OS9: variants seen among roughly 807,000 people sequenced by gnomAD.
The protein encoded by OS9 is OS9 endoplasmic reticulum lectin.
OS9 carries 58 observed loss-of-function variants against 84.7 expected under a neutral mutation model. The observed-to-expected ratio is 0.68, with a 90% confidence interval of 0.55 to 0.85. The LOEUF (loss-of-function observed/expected upper bound fraction) is 0.85. OS9 is among the 40% of genes least tolerant of loss of function. OS9 has a pLI of 0.00. For synonymous variants in OS9, 278 were observed against 320.8 expected (o/e 0.87, Z 1.43); for missense variants, 760 against 850.9 (o/e 0.89, Z 1.33).
At chr12:57,707,474 G>T (rs368672076) in intron 5 of OS9, among the ~76,000 whole-genome samples, 5 of 152,256 alleles carry the variant, frequency 3.3e-5, no homozygotes, top group Admixed American at 3.3e-4. Flanking sequence ...AGAGAGGGGG[G>T]ACATGCCACA....
chr12:57,706,805 C>T (rs573562114), intron 5 of OS9, among the ~76,000 whole-genome samples: 44 of 145,708 alleles, frequency 3.0e-4, no homozygotes, highest in African/African-American at 1.0e-3. Context: ...GCTGTTATCA[C>T]GCCACTGGAC....
intron 5 of OS9, among the ~76,000 whole-genome samples, chr12:57,697,661 G>C (rs1370262050): frequency 6.6e-6 from 1 of 152,160 alleles, no homozygotes; most frequent in African/African-American, 2.4e-5. Flanking sequence ...TGTGGTTCTG[G>C]AATTCAGGGA....
chr12:57,694,909 G>T lies in OS9; in HGVS notation c.322G>T (p.Ala108Ser). ...TGAGTTGTTGAGCCCAATGAGAGAT[G>T]CTCCCTGCTTGCTGAAGGTGAAAGG... ...IPELLSPMRD[A>S]PCLLKTKDWW... is the part of the protein sequence containing the mutation. Residue 108 changes from alanine to serine, a missense_variant, in exon 2 of 15, where the codon GCT (alanine) becomes TCT (serine). Ala to Ser is a moderately conservative substitution (Grantham distance 99). Transcript: ENST00000315970. The T allele has an allele frequency of 6.2e-7, 1 of 1,614,108 alleles. No individual in the cohort carries two copies. The highest frequency in any genetic ancestry group is 8.5e-7 in the Non-Finnish European group (1 of 1,179,990).
intron 3 of OS9, 48 bp from the exon 4 acceptor site, chr12:57,695,914 C>T (rs1363998107): frequency 4.5e-6 from 7 of 1,572,026 alleles, no homozygotes; most frequent in Non-Finnish European, 6.1e-6. Context: ...CCCTCCTCCT[C>T]CTCCTCCTCT....
intron 5 of OS9, among the ~76,000 whole-genome samples, chr12:57,699,797 G>T (rs951538006): frequency 6.6e-6 from 1 of 152,116 alleles, no homozygotes; most frequent in Admixed American, 6.5e-5. Context: ...GAGAAAAGTG[G>T]TGAAAAAGTG....
At chr12:57,718,077 T>A in intron 10 of OS9, 69 bp from the exon 11 acceptor site, 1 of 1,560,834 alleles carries the variant, frequency 6.4e-7, no homozygotes, top group Non-Finnish European at 8.7e-7. Context: ...TGCTACTGTT[T>A]GTCTGCCCCC....
At chr12:57,708,386 C>T (rs1389708505) in intron 5 of OS9, among the ~76,000 whole-genome samples, 1 of 151,918 alleles carries the variant, frequency 6.6e-6, no homozygotes, top group Non-Finnish European at 1.5e-5. Context: ...AATCCTAGCA[C>T]TTTGGGAAGT....
intron 5 of OS9, among the ~76,000 whole-genome samples, chr12:57,697,048 T>G (rs914243788): frequency 1.3e-5 from 2 of 152,190 alleles, no homozygotes; most frequent in Middle Eastern, 3.2e-3. Flanking sequence ...TTCACAAATA[T>G]ACACACCTGT....
At chr12:57,705,999 C>T (rs1223433079) in intron 5 of OS9, among the ~76,000 whole-genome samples, 1 of 152,144 alleles carries the variant, frequency 6.6e-6, no homozygotes, top group Non-Finnish European at 1.5e-5. Context: ...TTGGTTTCTT[C>T]CTTTCTAAGT....
intron 5 of OS9, among the ~76,000 whole-genome samples, chr12:57,704,429 C>A (rs528428324): frequency 1.3e-5 from 2 of 151,944 alleles, no homozygotes; most frequent in Admixed American, 6.6e-5. Context: ...CCCAGCTACT[C>A]GGGAAACCGA....
intron 5 of OS9, among the ~76,000 whole-genome samples, chr12:57,697,925 ACACACACAC>A (rs1953908236): frequency 2.1e-5 from 1 of 47,258 alleles, no homozygotes; most frequent in Non-Finnish European, 4.1e-5. Context: ...ACACACACAT[ACACACACAC>A]ACACACACAC....
Position 57,718,244 on chromosome 12 carries a change from A to T in OS9, c.1233A>T (p.Arg411Ser). 1 of 1,614,176 alleles carries T rather than the reference A, an allele frequency of 6.2e-7. No homozygotes were observed. The highest frequency in any genetic ancestry group is 8.5e-7 in the Non-Finnish European group (1 of 1,180,032). ...EKERGDPERQREMEEEEDEDE... is the reference protein window; with the variant it reads ...EKERGDPERQSEMEEEEDEDE... ...AAAGGGGTGATCCAGAACGGCAGAGAGAGATGGAAGAAGAGGAGGATGAGG... is the reference window on the plus strand; with the variant it reads ...AAAGGGGTGATCCAGAACGGCAGAGTGAGATGGAAGAAGAGGAGGATGAGG... Residue 411 changes from arginine (R) to serine (S), a missense_variant, in exon 11 of 15, where the codon AGA (arginine) becomes AGT (serine). Coordinates refer to ENST00000315970, the MANE Select transcript of OS9 (RefSeq NM_006812.4).
At chr12:57,706,510 CTTT>C (rs1472079420) in intron 5 of OS9, among the ~76,000 whole-genome samples, 2 of 152,174 alleles carry the variant, frequency 1.3e-5, no homozygotes, top group South Asian at 2.1e-4. Flanking sequence ...GAGCTTCCCT[CTTT>C]TTCTGCTCTG....
chr12:57,715,670 T>A (rs571413455), intron 5 of OS9, 90 bp from the exon 6 acceptor site: 1 of 878,234 alleles, frequency 1.1e-6, no homozygotes, highest in South Asian at 1.6e-5. Context: ...GCTTGACAGA[T>A]AATCAGTGCT....
intron 5 of OS9, among the ~76,000 whole-genome samples, chr12:57,703,266 G>T (rs948277790): frequency 4.6e-5 from 7 of 151,978 alleles, no homozygotes; most frequent in Non-Finnish European, 8.8e-5. Context: ...TTCATTTGAG[G>T]TTAATTTTTT....
At chr12:57,704,210 A>G (rs1316510167) in intron 5 of OS9, among the ~76,000 whole-genome samples, 1 of 152,160 alleles carries the variant, frequency 6.6e-6, no homozygotes, top group Non-Finnish European at 1.5e-5. Flanking sequence ...GTTTGCTACC[A>G]TTTAGTTGAG....
At chr12:57,713,871 T>TTTA (rs1032832223) in intron 5 of OS9, among the ~76,000 whole-genome samples, 1 of 152,064 alleles carries the variant, frequency 6.6e-6, no homozygotes, top group African/African-American at 2.4e-5. Context: ...ACACCTGTAA[T>TTTA]ACCAGCACTT....
chr12:57,695,722 G>T, intron 2 of OS9, 58 bp from the exon 3 acceptor site: 1 of 1,110,048 alleles, frequency 9.0e-7, no homozygotes, highest in Non-Finnish European at 1.4e-6. Context: ...GGAGACTCTG[G>T]TTCCAAGAAA....
In OS9 at chr12:57,694,333, G is replaced by A; in HGVS notation, c.162+10G>A. ...TGTCATGGGAGGGCAGGTGAGAGGC[G>A]TATAAGGGGCGAGGGTCTGGGCAGA... On this transcript the variant is annotated intron_variant, in intron 1 of 14. Transcript: ENST00000315970. 1.2e-6 allele frequency: 2 copies of A among 1,613,872 alleles called. No individual in the cohort carries two copies. The highest frequency in any genetic ancestry group is 1.7e-6 in the Non-Finnish European group (2 of 1,179,812).
Sources: gnomAD v4.1 joint callset for allele counts (sites outside exome capture counted in the v4.1 genomes callset) on GRCh38, gnomAD v4.1.1 for gene constraint, MANE v1.5 for transcripts, NCBI Gene and HGNC (gene_info 2026-07-23, HGNC 2026-07-21) for gene names.